RBPJ: variants seen among roughly 807,000 people sequenced by gnomAD.
RBPJ encodes recombining binding protein suppressor of hairless.
RBPJ carries 9 observed loss-of-function variants against 67.8 expected under a neutral mutation model. The observed-to-expected ratio is 0.13, with a 90% CI of 0.08 to 0.23. The LOEUF is 0.23. Ranked by LOEUF, RBPJ falls within the 10% of genes least tolerant of loss-of-function variation. The pLI is 1.00. For synonymous variants in RBPJ, 198 were observed against 203.3 expected, an observed-to-expected ratio of 0.97 and a Z score of 0.22; for missense variants, 305 against 595.6, an observed-to-expected ratio of 0.51 and a Z score of 5.08.
chr4:26,420,820 T>A, intron 5 of RBPJ, 95 bp downstream of exon 5: 3 of 971,086 alleles, frequency 3.1e-6, no homozygotes, highest in South Asian at 2.0e-5. Context: ...AATAGCCAAT[T>A]AATTCTTTAC....
In RBPJ at chr4:26,321,051, A is replaced by T; in HGVS notation, c.20+3A>T. 6.2e-7 allele frequency: 1 copy of T among 1,606,734 alleles called. No homozygotes were observed. Among genetic ancestry groups the T allele is most frequent in the Non-Finnish European group, 8.5e-7 (1 of 1,173,736 alleles). ...AAGATGGCGCCTGTTGTGACAGGGT[A>T]AGTCTGAGGGAATCGGAGCGCCGGG... On this transcript the variant is annotated splice_donor_region_variant and intron_variant, in intron 1 of 10. Transcript: ENST00000355476.
At chr4:26,234,025 T>C (rs543302229) in intron 1 of RBPJ, among the ~76,000 whole-genome samples, 2 of 152,266 alleles carry the variant, frequency 1.3e-5, no homozygotes, top group South Asian at 4.1e-4. Context: ...GGTTTGGAGG[T>C]GAATAAACAT....
the RBPJ span, among the ~76,000 whole-genome samples, chr4:26,135,770 G>C: frequency 3.9e-5 from 6 of 152,212 alleles, no homozygotes; most frequent in African/African-American, 1.4e-4. Flanking sequence ...CGCCTGGGAA[G>C]TTTGCAACAG....
chr4:26,166,844 T>C (rs1307835704), intron 1 of RBPJ, among the ~76,000 whole-genome samples: 4 of 152,168 alleles, frequency 2.6e-5, no homozygotes, highest in Non-Finnish European at 5.9e-5. Flanking sequence ...GTTTTTATGG[T>C]TTTAGGTCTA....
intron 2 of RBPJ, among the ~76,000 whole-genome samples, chr4:26,389,796 T>C (rs925956428): frequency 6.6e-6 from 1 of 152,050 alleles, no homozygotes; most frequent in Admixed American, 6.6e-5. Flanking sequence ...TTTAAGGAAA[T>C]TGAACTTGTA....
At chr4:26,182,370 T>A (rs965697451) in intron 1 of RBPJ, among the ~76,000 whole-genome samples, 1 of 151,638 alleles carries the variant, frequency 6.6e-6, no homozygotes, top group East Asian at 1.9e-4. Flanking sequence ...ACAAACAAAA[T>A]TTTTGACTCT....
intron 3 of RBPJ, among the ~76,000 whole-genome samples, chr4:26,407,729 A>G (rs1174441103): frequency 6.6e-6 from 1 of 152,112 alleles, no homozygotes. Context: ...GAATTCTTAG[A>G]GATTGTGACA....
rs370606202 is a variant in RBPJ at position 26,208,919 on chromosome 4, A to G, written c.-167+45305A>G. ...AGGGATAAGATAGTAGATATTCAAT[A>G]TTTGTTAACTGCTTAAATTATAGTC... On this transcript the variant is annotated intron_variant, in intron 1 of 4. Coordinates refer to the RBPJ transcript ENST00000512351. Among the ~76,000 whole-genome samples the G allele has an allele frequency of 1.8e-4, 27 of 152,220 alleles. No homozygotes were observed. The South Asian group carries it at 5.2e-3, about 29-fold the overall frequency.
chr4:26,374,171 C>G (rs990262196), intron 1 of RBPJ, among the ~76,000 whole-genome samples: 4 of 152,058 alleles, frequency 2.6e-5, no homozygotes, highest in Admixed American at 2.6e-4. Context: ...AACTCCTGAC[C>G]TCAGGTGATC....
intron 1 of RBPJ, among the ~76,000 whole-genome samples, chr4:26,206,429 C>T (rs1038515977): frequency 1.1e-4 from 16 of 152,088 alleles, no homozygotes; most frequent in African/African-American, 2.2e-4. Flanking sequence ...CTCTGCTTTC[C>T]GAGAGTTTAT....
chr4:26,215,243 GAAAGTAAGAAAGA>G (rs1560214544), intron 1 of RBPJ, among the ~76,000 whole-genome samples: 8 of 14,470 alleles, frequency 5.5e-4, no homozygotes, highest in Admixed American at 2.1e-3. Flanking sequence ...GAGAAAGAAA[GAAAGTAAGAAAGA>G]AAGGAAGGGA....
At chr4:26,319,555 T>C (rs535422429), upstream of RBPJ, 20 of 363,214 alleles carry the variant, frequency 5.5e-5, no homozygotes, top group Non-Finnish European at 8.3e-5. Flanking sequence ...GGCAAACACC[T>C]GTCCTGCCTT....
chr4:26,139,539 C>A, the RBPJ span, among the ~76,000 whole-genome samples: 6 of 152,358 alleles, frequency 3.9e-5, no homozygotes, highest in African/African-American at 1.2e-4. Flanking sequence ...CTGTGTCCCC[C>A]CTGGGGCTGT....
At chr4:26,178,607 C>CAAAAAAA (rs1173498137) in intron 1 of RBPJ, among the ~76,000 whole-genome samples, 1 of 58,738 alleles carries the variant, frequency 1.7e-5, no homozygotes, top group African/African-American at 8.0e-5. Flanking sequence ...GACCCCGTAT[C>CAAAAAAA]AAAAAAAAAA....
chr4:26,161,012 GC>G (rs1300451412), upstream of RBPJ, among the ~76,000 whole-genome samples: 1 of 152,198 alleles, frequency 6.6e-6, no homozygotes, highest in Non-Finnish European at 1.5e-5. Flanking sequence ...ACTGTTCTTG[GC>G]CCATACTGCC....
intron 1 of RBPJ, among the ~76,000 whole-genome samples, chr4:26,381,763 A>G (rs907421408): frequency 6.6e-6 from 1 of 152,164 alleles, no homozygotes; most frequent in South Asian, 2.1e-4. Context: ...AATCAACTAT[A>G]TCCTGGTTCA....
chr4:26,354,097 A>AT (rs1198120253), intron 1 of RBPJ, among the ~76,000 whole-genome samples: 1 of 150,388 alleles, frequency 6.6e-6, no homozygotes, highest in Non-Finnish European at 1.5e-5. Flanking sequence ...TGCCCGGCTA[A>AT]TTTTTTGTAT....
At chr4:26,271,914 CAT>C (rs1720930038) in intron 1 of RBPJ, among the ~76,000 whole-genome samples, 2 of 152,208 alleles carry the variant, frequency 1.3e-5, no homozygotes, top group South Asian at 4.1e-4. Context: ...CGTGCTTGAA[CAT>C]GTGCACAGTG....
At position 26,430,005 on chromosome 4, in the gene RBPJ, C is replaced by T. The variant is rs1736050706; in HGVS notation, c.996C>T (p.Gly332=). The T allele has an allele frequency of 1.9e-6, 3 of 1,613,970 alleles. No homozygotes were observed. Among genetic ancestry groups the T allele is most frequent in the Admixed American group, 1.7e-5 (1 of 60,002 alleles). ...AGTATACATTTTATGAGGGAATGGG[C>T]CCTGTCCTTGCCCCAGTCACTCCTG... The part of the protein sequence containing the change: ...KAEYTFYEGM[G]PVLAPVTPVP... The change falls in exon 9 of 11, where the codon GGC becomes GGT. Residue 332 remains glycine, a synonymous_variant. Coordinates refer to ENST00000355476, the MANE Select transcript of RBPJ (RefSeq NM_015874.6). The surrounding 1 kb of genome is among the most constrained non-coding windows in gnomAD (Gnocchi z 4.1).
Sources: allele counts gnomAD v4.1 joint callset (sites outside exome capture counted in the v4.1 genomes callset), GRCh38; gene constraint gnomAD v4.1.1; non-coding constraint Gnocchi (gnomAD v3.1); transcripts MANE v1.5; gene names NCBI Gene and HGNC (gene_info 2026-07-23, HGNC 2026-07-21).